Variants in UNC5C observed in about 807,000 individuals in gnomAD.
UNC5C encodes the protein netrin receptor UNC5C.
In UNC5C, 47 loss-of-function variants were observed where a neutral mutation model predicts 99.8. The ratio of observed to expected loss-of-function variants is 0.47; its 90% confidence interval spans 0.37 to 0.60. UNC5C has a LOEUF of 0.60. Ranked by LOEUF, UNC5C falls within the 20% of genes least tolerant of loss-of-function variation. UNC5C has a pLI of 0.00. For missense variants in UNC5C, 1,062 were observed against 1,165.9 expected (o/e 0.91, Z 1.30); for synonymous variants, 487 against 452.2 (o/e 1.08, Z -0.98).
intron 15 of UNC5C, 66 bp from the exon 16 acceptor site, chr4:95,169,465 A>G: frequency 1.9e-6 from 3 of 1,552,350 alleles, no homozygotes; most frequent in Non-Finnish European, 2.6e-6. Context: ...CCTCAGCTAA[A>G]CCTTTCTGTC....
At chr4:95,200,006 G>T (rs993146178) in intron 12 of UNC5C, among the ~76,000 whole-genome samples, 1 of 152,020 alleles carries the variant, frequency 6.6e-6, no homozygotes, top group Non-Finnish European at 1.5e-5. Context: ...AATTATATGC[G>T]CTGACCCAAG....
chr4:95,413,382 C>G (rs1473637572), intron 1 of UNC5C, among the ~76,000 whole-genome samples: 1 of 152,114 alleles, frequency 6.6e-6, no homozygotes, highest in Non-Finnish European at 1.5e-5. Context: ...TTTCTCAAGG[C>G]CCACCCATGG....
At chr4:95,410,958 G>T (rs1578147733) in intron 1 of UNC5C, among the ~76,000 whole-genome samples, 1 of 152,174 alleles carries the variant, frequency 6.6e-6, no homozygotes, top group African/African-American at 2.4e-5. Flanking sequence ...AATGTAATTT[G>T]TCAGGAAAGG....
chr4:95,212,716 T>C (rs1738114799), intron 10 of UNC5C, among the ~76,000 whole-genome samples: 1 of 152,206 alleles, frequency 6.6e-6, no homozygotes, highest in Admixed American at 6.5e-5. Flanking sequence ...CTGGAATCTG[T>C]CCTCTCCCCT....
intron 1 of UNC5C, among the ~76,000 whole-genome samples, chr4:95,542,607 C>A (rs1216039001): frequency 6.6e-6 from 1 of 152,122 alleles, no homozygotes; most frequent in Non-Finnish European, 1.5e-5. Context: ...ATATGAGCAA[C>A]ATTTTGGGGA....
rs1010917845 is a variant in UNC5C, at chr4:95,168,531, C to T, written c.*703G>A. 8 of 152,616 alleles carry T rather than the reference C, an allele frequency of 5.2e-5. No homozygotes were observed. Among genetic ancestry groups the T allele is most frequent in the African/African-American group, 1.9e-4 (8 of 41,448 alleles). The allele number at this position is 152,616 out of a possible 1,614,324, so 9.5% of individuals were successfully genotyped here. On this transcript the variant is annotated 3_prime_UTR_variant, in exon 16 of 16. Transcript: ENST00000453304. ...TGTGGGGTTGAACATGAATCACTGT[C>T]TTCCCTGCAGTGCTACAGCTTTATT... is the stretch of plus-strand genomic sequence containing the variant.
chr4:95,234,514 C>T (rs1173552126), intron 7 of UNC5C, among the ~76,000 whole-genome samples: 1 of 152,080 alleles, frequency 6.6e-6, no homozygotes, highest in African/African-American at 2.4e-5. Flanking sequence ...TTATTCAATG[C>T]AATCCATGTC....
At chr4:95,190,896 C>G (rs1737059467) in intron 12 of UNC5C, among the ~76,000 whole-genome samples, 1 of 152,168 alleles carries the variant, frequency 6.6e-6, no homozygotes, top group African/African-American at 2.4e-5. Flanking sequence ...AGGGATTGCT[C>G]CAAAGGCAGG....
chr4:95,193,948 G>C (rs1215536363), intron 12 of UNC5C, among the ~76,000 whole-genome samples: 1 of 151,574 alleles, frequency 6.6e-6, no homozygotes, highest in Non-Finnish European at 1.5e-5. Flanking sequence ...AGGGTGCTCT[G>C]CTCTCCCCCT....
intron 1 of UNC5C, among the ~76,000 whole-genome samples, chr4:95,525,875 G>T (rs1406141173): frequency 2.0e-5 from 3 of 152,076 alleles, no homozygotes; most frequent in Non-Finnish European, 1.5e-5. Flanking sequence ...CTTGTTCCCG[G>T]TTTAACAAAT....
At chr4:95,466,215 A>C (rs1270597538) in intron 1 of UNC5C, among the ~76,000 whole-genome samples, 1 of 152,192 alleles carries the variant, frequency 6.6e-6, no homozygotes, top group Non-Finnish European at 1.5e-5. Context: ...TCATTTAATA[A>C]ACATTCATAG....
At chr4:95,185,250 T>A in intron 12 of UNC5C, 54 bp from the exon 13 acceptor site, 1 of 1,539,206 alleles carries the variant, frequency 6.5e-7, no homozygotes, top group East Asian at 2.3e-5. Context: ...ATCACTTCTG[T>A]CAGCTCTCTC....
At chr4:95,187,590 C>T (rs997323106) in intron 12 of UNC5C, among the ~76,000 whole-genome samples, 9 of 152,130 alleles carry the variant, frequency 5.9e-5, no homozygotes, top group Non-Finnish European at 1.3e-4. Flanking sequence ...ATTTTGAGTG[C>T]AGAGTCTTCA....
intron 1 of UNC5C, among the ~76,000 whole-genome samples, chr4:95,518,214 G>C (rs955085508): frequency 1.3e-5 from 2 of 152,128 alleles, no homozygotes; most frequent in Admixed American, 1.3e-4. Flanking sequence ...ACTGGGGATA[G>C]TGTCTGAAAA....
intron 1 of UNC5C, among the ~76,000 whole-genome samples, chr4:95,395,278 A>G (rs1159972373): frequency 6.6e-6 from 1 of 152,206 alleles, no homozygotes; most frequent in Non-Finnish European, 1.5e-5. Flanking sequence ...CTTACTTTTC[A>G]ACAAAGCCAT....
Position 95,543,740 on chromosome 4 carries a change from T to C in UNC5C, c.124+4994A>G, listed in dbSNP as rs115420964. 1.0e-3 allele frequency among the ~76,000 whole-genome samples: 157 copies of C among 152,244 alleles called. 1 individual carries two copies. Among genetic ancestry groups the C allele is most frequent in the African/African-American group, 3.5e-3 (146 of 41,538 alleles). On this transcript the variant is annotated intron_variant, in intron 1 of 15. Coordinates refer to ENST00000453304, the MANE Select transcript of UNC5C (RefSeq NM_003728.4). ...TATCTTTCAGTATCCCTTGAGAAAA[T>C]AGAAAGTCAAGGACGAGCTTCTTGC...
intron 1 of UNC5C, among the ~76,000 whole-genome samples, chr4:95,446,473 A>C (rs1363030289): frequency 1.3e-5 from 2 of 152,228 alleles, no homozygotes; most frequent in African/African-American, 4.8e-5. Context: ...ATTCTGGGAA[A>C]GAAAGAAACT....
At chr4:95,516,792 A>C (rs1722232020) in intron 1 of UNC5C, among the ~76,000 whole-genome samples, 2 of 152,174 alleles carry the variant, frequency 1.3e-5, no homozygotes, top group South Asian at 4.1e-4. Context: ...GCCAAGCAAC[A>C]GAAGGCCTCA....
intron 1 of UNC5C, among the ~76,000 whole-genome samples, chr4:95,456,952 A>G (rs182997356): frequency 1.3e-5 from 2 of 152,240 alleles, no homozygotes; most frequent in East Asian, 3.9e-4. Context: ...GGGCAATAAG[A>G]TGTTAATACT....
Sources: allele counts gnomAD v4.1 joint callset (sites outside exome capture counted in the v4.1 genomes callset), GRCh38; gene constraint gnomAD v4.1.1; transcripts MANE v1.5; gene names NCBI Gene and HGNC (gene_info 2026-07-23, HGNC 2026-07-21).